SMYD1: variants seen among roughly 807,000 people sequenced by gnomAD.
SMYD1 encodes SET and MYND domain containing 1, also known as histone-lysine N-methyltransferase SMYD1.
Under a neutral mutation model 54.0 loss-of-function variants are expected in SMYD1, and 49 were observed. The observed-to-expected ratio is 0.91, with a 90% confidence interval of 0.72 to 1.15. The LOEUF (loss-of-function observed/expected upper bound fraction) is 1.15, where lower values mean the gene tolerates loss of function less well. Ranked by LOEUF, SMYD1 falls within the 50% of genes most tolerant of loss-of-function variation. The pLI, the probability that SMYD1 is intolerant of heterozygous loss-of-function variation, is 0.00. For synonymous variants in SMYD1, 269 were observed against 234.2 expected, an observed-to-expected ratio of 1.15 and a Z score of -1.36; for missense variants, 653 against 639.6, an observed-to-expected ratio of 1.02 and a Z score of -0.23.
At position 88,112,840 on chromosome 2, in the gene SMYD1, C is replaced by A. The variant is rs190443758; in HGVS notation, c.*2328C>A. ...TCGCTGGTCCTTTTTCTTTCCCTGC[C>A]CCTGACATATTGACATTTCCTGGAG... On this transcript the variant is annotated 3_prime_UTR_variant, in exon 10 of 10. Coordinates refer to ENST00000419482, the MANE Select transcript of SMYD1 (RefSeq NM_198274.4). 1.3e-5 allele frequency: 2 copies of A among 152,396 alleles called. No individual in the cohort carries two copies. The highest frequency in any genetic ancestry group is 4.8e-5 in the African/African-American group (2 of 41,532). 9.4% of individuals were successfully genotyped at this position (152,396 alleles called of 1,614,324 possible).
At chr2:88,075,729 G>A (rs1316348340) in intron 1 of SMYD1, among the ~76,000 whole-genome samples, 1 of 151,678 alleles carries the variant, frequency 6.6e-6, no homozygotes, top group African/African-American at 2.4e-5. Context: ...TTTTGTAGAG[G>A]CAGTGGTCTC....
rs536752749 is a variant in SMYD1 at position 88,077,503 on chromosome 2, CTT to C, written c.138-6811_138-6810del. On this transcript the variant is annotated intron_variant, in intron 1 of 9. Coordinates refer to ENST00000419482, the MANE Select transcript of SMYD1 (RefSeq NM_198274.4). ...AAAAAACGAATCACTAAAAACATCT[CTT>C]TGAAATGGCAAAGTGCTGTGTAAGT... Among the ~76,000 whole-genome samples, 38 of 152,308 alleles carry C rather than the reference CTT, an allele frequency of 2.5e-4. 1 individual carries two copies. The South Asian group carries it at 6.0e-3, about 24-fold the overall frequency.
At chr2:88,093,627 C>T (rs1674511910) in intron 5 of SMYD1, 72 bp downstream of exon 5, 1 of 1,562,486 alleles carries the variant, frequency 6.4e-7, no homozygotes, top group African/African-American at 1.4e-5. Flanking sequence ...GCTGGGGCCA[C>T]CCATTCCCGA....
At chr2:88,076,401 T>C (rs1198093589) in intron 1 of SMYD1, among the ~76,000 whole-genome samples, 1 of 152,036 alleles carries the variant, frequency 6.6e-6, no homozygotes. Context: ...GTTTGTTTGT[T>C]TTTAGTAGAG....
intron 4 of SMYD1, among the ~76,000 whole-genome samples, chr2:88,092,547 T>A (rs2103998137): frequency 6.6e-6 from 1 of 152,372 alleles, no homozygotes; most frequent in East Asian, 1.9e-4. Flanking sequence ...TAAGCTTCAA[T>A]ATGCCAAGTA....
In SMYD1 at chr2:88,077,722, C is replaced by CTT. The variant is rs1168525311; in HGVS notation, c.138-6576_138-6575dup. Among the ~76,000 whole-genome samples, 94 of 126,192 alleles carry CTT rather than the reference C, an allele frequency of 7.4e-4. 1 individual carries two copies. The highest frequency in any genetic ancestry group is 2.2e-3 in the African/African-American group (75 of 34,108). 82.8% of individuals were successfully genotyped at this position (126,192 alleles called of 152,430 possible). A position where few individuals can be genotyped will look rare whatever the true frequency, so the allele number is the denominator to read the frequency against. On this transcript the variant is annotated intron_variant, in intron 1 of 9. Transcript: ENST00000419482. ...TAAGGCAGGGGAGGGGTGGGCATTT[C>CTT]TTTTTTTTTTTTTTTTTTTGAGACG...
Position 88,096,754 on chromosome 2 carries a change from C to T in SMYD1, c.858C>T (p.Asp286=). ...CEHCQKKLKD[D]LFLGVKDNPK... Reference sequence around the variant, plus strand: ...ACTGCCAGAAAAAACTGAAGGATGACCTCTTCCTGGGGGTGAAAGACAACC... The same window carrying T: ...ACTGCCAGAAAAAACTGAAGGATGATCTCTTCCTGGGGGTGAAAGACAACC... The change falls in exon 6 of 10, where the codon GAC becomes GAT. Residue 286 remains aspartate, a synonymous_variant. Coordinates refer to ENST00000419482, the MANE Select transcript of SMYD1 (RefSeq NM_198274.4). 1 of 1,614,052 alleles carries T rather than the reference C, an allele frequency of 6.2e-7. No individual in the cohort carries two copies. Among genetic ancestry groups the T allele is most frequent in the South Asian group, 1.1e-5 (1 of 91,058 alleles).
intron 1 of SMYD1, among the ~76,000 whole-genome samples, chr2:88,074,368 AC>A (rs1239822610): frequency 6.6e-6 from 1 of 152,198 alleles, no homozygotes; most frequent in African/African-American, 2.4e-5. Flanking sequence ...CAGCAGTGTA[AC>A]ATCTTGTTCC....
intron 5 of SMYD1, among the ~76,000 whole-genome samples, chr2:88,095,601 TC>T (rs1414852098): frequency 6.6e-6 from 1 of 152,108 alleles, no homozygotes; most frequent in Admixed American, 6.5e-5. Context: ...GTGCAGATGC[TC>T]TCCCCAGCCC....
At chr2:88,104,020 G>A (rs1191991453) in intron 7 of SMYD1, among the ~76,000 whole-genome samples, 1 of 149,548 alleles carries the variant, frequency 6.7e-6, no homozygotes, top group Non-Finnish European at 1.5e-5. Flanking sequence ...AGGCTGGAGT[G>A]CAGTGGCACG....
intron 3 of SMYD1, 114 bp from the exon 4 acceptor site, chr2:88,090,898 T>A (rs1674445533): frequency 1.6e-6 from 2 of 1,216,646 alleles, no homozygotes; most frequent in Non-Finnish European, 2.3e-6. Flanking sequence ...CCAGACTCCC[T>A]AAGCATCTCC....
At chr2:88,073,999 T>C (rs1021569579) in intron 1 of SMYD1, among the ~76,000 whole-genome samples, 1 of 152,160 alleles carries the variant, frequency 6.6e-6, no homozygotes, top group Non-Finnish European at 1.5e-5. Flanking sequence ...AATAAATACT[T>C]GTGGAAAGAA....
chr2:88,096,570 A>G (rs753406699), intron 5 of SMYD1, 25 bp from the exon 6 acceptor site: 1 of 1,590,324 alleles, frequency 6.3e-7, no homozygotes, highest in South Asian at 1.1e-5. Context: ...GATTCGATTC[A>G]CCTTTTCCTT....
chr2:88,070,655 T>C (rs1277417935), intron 1 of SMYD1, among the ~76,000 whole-genome samples: 1 of 151,998 alleles, frequency 6.6e-6, no homozygotes, highest in Non-Finnish European at 1.5e-5. Flanking sequence ...TTTTAAATAA[T>C]AGTTTTGGCC....
chr2:88,112,349 G>T lies in SMYD1; in HGVS notation c.*1837G>T. 3 of 580,834 alleles carry T rather than the reference G, an allele frequency of 5.2e-6. No homozygotes were observed. Among genetic ancestry groups the T allele is most frequent in the Non-Finnish European group, 9.2e-6 (3 of 325,370 alleles). 36.0% of individuals were successfully genotyped at this position (580,834 alleles called of 1,614,324 possible). ...ATATTTGTTGTCTTTAACAAACTGT[G>T]TTCTGTGTCTGTGCTCCTCCTTCCC... is the stretch of plus-strand genomic sequence containing the variant. On this transcript the variant is annotated 3_prime_UTR_variant, in exon 10 of 10. Transcript: ENST00000419482.
At chr2:88,099,890 T>A (rs1395805926) in intron 6 of SMYD1, among the ~76,000 whole-genome samples, 1 of 149,648 alleles carries the variant, frequency 6.7e-6, no homozygotes, top group Non-Finnish European at 1.5e-5. Flanking sequence ...CCCTTCCCCC[T>A]TTCATCTGGC....
At chr2:88,083,674 T>C (rs1198382484) in intron 1 of SMYD1, among the ~76,000 whole-genome samples, 2 of 152,232 alleles carry the variant, frequency 1.3e-5, no homozygotes, top group Non-Finnish European at 2.9e-5. Context: ...GCAAGTTCAA[T>C]TGTTTCTCTA....
intron 6 of SMYD1, among the ~76,000 whole-genome samples, chr2:88,102,078 A>C (rs1674734498): frequency 6.6e-6 from 1 of 151,672 alleles, no homozygotes. Context: ...TTTTTTAACC[A>C]TACTTTTTAA....
chr2:88,091,219 CA>C, intron 4 of SMYD1, 77 bp downstream of exon 4: 1 of 1,462,788 alleles, frequency 6.8e-7, no homozygotes, highest in Non-Finnish European at 9.3e-7. Flanking sequence ...TGACTTAAGC[CA>C]AAGTCAACCT....
Sources: allele counts gnomAD v4.1 joint callset (sites outside exome capture counted in the v4.1 genomes callset), GRCh38; gene constraint gnomAD v4.1.1; transcripts MANE v1.5; gene names NCBI Gene and HGNC (gene_info 2026-07-23, HGNC 2026-07-21).